Variants in PANK3 observed in about 807,000 individuals in gnomAD.
The protein encoded by PANK3 is pantothenate kinase 3, also known as hPanK3.
Under a neutral mutation model 39.4 loss-of-function variants are expected in PANK3, and 20 were observed. The ratio of observed to expected loss-of-function variants is 0.51; its 90% CI spans 0.36 to 0.74. The LOEUF is 0.74. Among genes scored for constraint, PANK3 ranks in the 30% least tolerant of loss-of-function variants. The probability of loss-of-function intolerance (pLI) is 0.00; values close to 1 mark genes in which losing one functional copy is unlikely to be tolerated. For synonymous variants in PANK3, 140 were observed against 157.3 expected, an observed-to-expected ratio of 0.89 and a Z score of 0.82; for missense variants, 265 against 437.0, an observed-to-expected ratio of 0.61 and a Z score of 3.51.
At chr5:168,569,428 G>C (rs1759591978) in intron 1 of PANK3, among the ~76,000 whole-genome samples, 1 of 151,202 alleles carries the variant, frequency 6.6e-6, no homozygotes, top group Admixed American at 6.6e-5. Flanking sequence ...TCCTGACCTT[G>C]TGATCCGCCT....
At chr5:168,566,798 CA>C (rs1247537749) in intron 2 of PANK3, among the ~76,000 whole-genome samples, 3 of 152,180 alleles carry the variant, frequency 2.0e-5, no homozygotes, top group Admixed American at 2.0e-4. Context: ...GGCTGGAGTA[CA>C]GTGGCATGAT....
intron 1 of PANK3, among the ~76,000 whole-genome samples, chr5:168,575,847 AT>A (rs1759723765): frequency 6.6e-6 from 1 of 152,150 alleles, no homozygotes; most frequent in Non-Finnish European, 1.5e-5. Flanking sequence ...TCAGTACTTA[AT>A]TGTTCTTTAG....
At chr5:168,578,008 A>T (rs897823748) in intron 1 of PANK3, among the ~76,000 whole-genome samples, 8 of 152,216 alleles carry the variant, frequency 5.3e-5, no homozygotes, top group Non-Finnish European at 1.0e-4. Flanking sequence ...CTATGACAGG[A>T]TCTATTCAGT....
chr5:168,552,584 G>T lies in PANK3; in HGVS notation c.*4987C>A. On this transcript the variant is annotated 3_prime_UTR_variant, in exon 7 of 7. Coordinates refer to ENST00000239231, the MANE Select transcript of PANK3 (RefSeq NM_024594.4). ...TGAAGAGTGTGGCCACAGTATTCCAGGGAACGGAGTCTGGTCCAACTTCAG... is the reference window on the plus strand; with the variant it reads ...TGAAGAGTGTGGCCACAGTATTCCATGGAACGGAGTCTGGTCCAACTTCAG... The T allele has an allele frequency of 4.8e-6, 1 of 208,608 alleles. No individual in the cohort carries two copies. Among genetic ancestry groups the T allele is most frequent in the South Asian group, 1.1e-4 (1 of 9,158 alleles). The allele number at this position is 208,608 out of a possible 1,614,324, so 12.9% of individuals were successfully genotyped here. A position where few individuals can be genotyped will look rare whatever the true frequency, so the allele number is the denominator to read the frequency against.
rs1759527346 is a variant in PANK3 at position 168,566,004 on chromosome 5, G to C, written c.635+9C>G. 10 of 1,601,192 alleles carry C rather than the reference G, an allele frequency of 6.2e-6. No homozygotes were observed. Among genetic ancestry groups the C allele is most frequent in the Non-Finnish European group, 7.7e-6 (9 of 1,170,742 alleles). On this transcript the variant is annotated intron_variant, in intron 3 of 6. Transcript: ENST00000239231. ...GTGAATGCAGCAATACAACCAAAAA[G>C]GTCACTACCTTGTCCCAGTCACTCG...
rs372146448 is a variant in PANK3 at position 168,555,676 on chromosome 5, A to G, written c.*1895T>C. Reference sequence around the variant, plus strand: ...TTTAGAGCACATCTCAATTTGGACTAACCATATTTCAAATGCTCAACAGCT... The same window carrying G: ...TTTAGAGCACATCTCAATTTGGACTGACCATATTTCAAATGCTCAACAGCT... On this transcript the variant is annotated 3_prime_UTR_variant, in exon 7 of 7. Coordinates refer to ENST00000239231, the MANE Select transcript of PANK3 (RefSeq NM_024594.4). 15 of 152,398 alleles carry G rather than the reference A, an allele frequency of 9.8e-5. No individual in the cohort carries two copies. The East Asian group carries it at 2.5e-3, about 25-fold the overall frequency. 9.4% of individuals were successfully genotyped at this position (152,398 alleles called of 1,614,324 possible).
At chr5:168,568,524 C>T (rs958183814) in intron 2 of PANK3, 122 bp downstream of exon 2, 6 of 772,366 alleles carry the variant, frequency 7.8e-6, no homozygotes, top group South Asian at 1.9e-5. Flanking sequence ...AAGTGAAAGG[C>T]AACCATGGAT....
chr5:168,573,698 T>C (rs1759685460), intron 1 of PANK3, among the ~76,000 whole-genome samples: 1 of 110,346 alleles, frequency 9.1e-6, no homozygotes, highest in African/African-American at 3.6e-5. Flanking sequence ...CCCCAGAGTG[T>C]GATGTTCCCC....
At chr5:168,563,272 A>G (rs1759473860) in intron 4 of PANK3, among the ~76,000 whole-genome samples, 1 of 152,170 alleles carries the variant, frequency 6.6e-6, no homozygotes, top group Non-Finnish European at 1.5e-5. Flanking sequence ...AACATGAACA[A>G]TAACTCACAG....
intron 5 of PANK3, among the ~76,000 whole-genome samples, chr5:168,559,603 C>T (rs1409422851): frequency 1.3e-5 from 2 of 152,098 alleles, no homozygotes; most frequent in African/African-American, 2.4e-5. Context: ...TCCAGAAAGA[C>T]TCTAGCAGAT....
chr5:168,554,847 C>G lies in PANK3; in HGVS notation c.*2724G>C, dbSNP rs1242594011. The stretch of plus-strand genomic sequence containing the variant: ...TTAGCATCTATAGATTTAGGGCAAT[C>G]TTTAAGAAAAAATGGAATGGTCAGA... On this transcript the variant is annotated 3_prime_UTR_variant, in exon 7 of 7. Transcript: ENST00000239231. 6.6e-6 allele frequency: 1 copy of G among 152,168 alleles called. No homozygotes were observed. Among genetic ancestry groups the G allele is most frequent in the African/African-American group, 2.4e-5 (1 of 41,440 alleles). 9.4% of individuals were successfully genotyped at this position (152,168 alleles called of 1,614,324 possible).
intron 2 of PANK3, among the ~76,000 whole-genome samples, chr5:168,568,366 A>G (rs1759568142): frequency 6.6e-6 from 1 of 152,220 alleles, no homozygotes; most frequent in Non-Finnish European, 1.5e-5. Context: ...GGCTTTGTAC[A>G]CTGCCAAATT....
rs1759243965 is a variant in PANK3 at position 168,549,614 on chromosome 5, T to C, written c.*7957A>G. On this transcript the variant is annotated 3_prime_UTR_variant, in exon 7 of 7. Coordinates refer to ENST00000239231, the MANE Select transcript of PANK3 (RefSeq NM_024594.4). ...TTTGAAAAATACATTCCTCTTTTGT[T>C]CTTTTAAATGCAAAATTAGTGGCAG... 6.6e-6 allele frequency: 1 copy of C among 152,196 alleles called. No homozygotes were observed. The highest frequency in any genetic ancestry group is 2.1e-4 in the South Asian group (1 of 4,832). The allele number at this position is 152,196 out of a possible 1,614,324, so 9.4% of individuals were successfully genotyped here.
chr5:168,563,015 A>G lies in PANK3; in HGVS notation c.812+874T>C, dbSNP rs976904425. ...ATTATTAGACATTAGGGCCTTCTGG[A>G]AAAAAAAACAAAAAACCTGAAAAAT... On this transcript the variant is annotated intron_variant, in intron 4 of 6. Transcript: ENST00000239231. Among the ~76,000 whole-genome samples the G allele has an allele frequency of 6.6e-5, 10 of 151,126 alleles. No homozygotes were observed. In the East Asian group the frequency reaches 1.5e-3, roughly 23 times the overall value.
At chr5:168,579,182 C>T in intron 1 of PANK3, 74 bp downstream of exon 1, 1 of 1,358,606 alleles carries the variant, frequency 7.4e-7, no homozygotes, top group Non-Finnish European at 9.7e-7. Context: ...GGAAGCCGAC[C>T]GCCCAGCCAA....
Position 168,559,050 on chromosome 5 carries a change from T to C in PANK3, c.1044A>G (p.Ala348=), listed in dbSNP as rs911479340. 2.5e-6 allele frequency: 4 copies of C among 1,608,672 alleles called. No homozygotes were observed. The highest frequency in any genetic ancestry group is 1.3e-5 in the African/African-American group (1 of 74,746). ...LDYWSKGQLK[A]LFLEHEGYFG... is the part of the protein sequence containing the mutation. ...ACCATACCTCATGTTCTAGAAACAA[T>C]GCTTTTAGTTGACCTTTTGACCAGT... The change falls in exon 6 of 7, where the codon GCA becomes GCG. Residue 348 remains alanine, a synonymous_variant. Transcript: ENST00000239231.
intron 4 of PANK3, 56 bp from the exon 5 acceptor site, chr5:168,561,572 T>A (rs1759448993): frequency 2.1e-6 from 3 of 1,402,714 alleles, no homozygotes; most frequent in African/African-American, 1.5e-5. Flanking sequence ...ACATTTTACG[T>A]ATTAACAGAT....
In PANK3 at chr5:168,565,213, TTAATC is replaced by T. The variant is rs200587567; in HGVS notation, c.635+795_635+799del. On this transcript the variant is annotated intron_variant, in intron 3 of 6. Coordinates refer to ENST00000239231, the MANE Select transcript of PANK3 (RefSeq NM_024594.4). Reference sequence around the variant, plus strand: ...AATTAAAATGAGTTTTTTTCACAAATTAATCTAAAGTATTTGAAAATCTTTCTTCC... The same window carrying T: ...AATTAAAATGAGTTTTTTTCACAAATTAAAGTATTTGAAAATCTTTCTTCC... 4.0e-3 allele frequency among the ~76,000 whole-genome samples: 611 copies of T among 152,348 alleles called. 1 individual carries two copies. The highest frequency in any genetic ancestry group is 0.014 in the African/African-American group (580 of 41,580).
chr5:168,561,321 C>G, intron 5 of PANK3, 72 bp downstream of exon 5: 1 of 1,347,448 alleles, frequency 7.4e-7, no homozygotes, highest in Non-Finnish European at 9.9e-7. Context: ...AGTGAAGAAG[C>G]CCTGCTAGGT....
Sources: allele counts gnomAD v4.1 joint callset (sites outside exome capture counted in the v4.1 genomes callset), GRCh38; gene constraint gnomAD v4.1.1; transcripts MANE v1.5; gene names NCBI Gene and HGNC (gene_info 2026-07-23, HGNC 2026-07-21).